NID1: variants seen among roughly 807,000 people sequenced by gnomAD.
NID1 encodes nidogen-1.
Under a neutral mutation model 130.6 loss-of-function variants are expected in NID1, and 76 were observed. The ratio of observed to expected loss-of-function variants is 0.58; its 90% CI spans 0.48 to 0.70. The LOEUF (loss-of-function observed/expected upper bound fraction) is 0.70, where lower values mean the gene tolerates loss of function less well. NID1 is among the 30% of genes least tolerant of loss of function. The pLI, the probability that NID1 is intolerant of heterozygous loss-of-function variation, is 0.00. For missense variants in NID1, 1,517 were observed against 1,664.8 expected (o/e 0.91, Z 1.54); for synonymous variants, 665 against 675.1 (o/e 0.98, Z 0.23).
chr1:235,995,326 T>G (rs138616879), intron 12 of NID1, among the ~76,000 whole-genome samples: 3 of 152,342 alleles, frequency 2.0e-5, no homozygotes, highest in Non-Finnish European at 4.4e-5. Flanking sequence ...ATGCAAATAC[T>G]ACACCATTTT....
chr1:236,056,588 T>G (rs1228853844), intron 1 of NID1, among the ~76,000 whole-genome samples: 1 of 152,250 alleles, frequency 6.6e-6, no homozygotes, highest in Non-Finnish European at 1.5e-5. Flanking sequence ...TTATTCCTTC[T>G]ATCGAACTGT....
chr1:235,995,680 A>C (rs1267021278), intron 12 of NID1, among the ~76,000 whole-genome samples: 1 of 152,214 alleles, frequency 6.6e-6, no homozygotes, highest in African/African-American at 2.4e-5. Flanking sequence ...TTAATCCTTC[A>C]GAAATCAGCT....
rs377525794 is a variant in NID1, at chr1:235,994,527, G to GGTA, written c.2528-658_2528-656dup. Reference sequence around the variant, plus strand: ...GAATGTTGTCAAGCTTTATCCAGGTGGTAGCATGTATTAGAACCTGCTTCA... The same window carrying GGTA: ...GAATGTTGTCAAGCTTTATCCAGGTGGTAGTAGCATGTATTAGAACCTGCTTCA... On this transcript the variant is annotated intron_variant, in intron 12 of 19. Transcript: ENST00000264187. 1.9e-3 allele frequency among the ~76,000 whole-genome samples: 287 copies of GGTA among 152,310 alleles called. 1 individual carries two copies. Among genetic ancestry groups the GGTA allele is most frequent in the African/African-American group, 6.4e-3 (265 of 41,570 alleles).
intron 12 of NID1, among the ~76,000 whole-genome samples, chr1:235,999,757 G>C (rs534600048): frequency 6.6e-6 from 1 of 152,218 alleles, no homozygotes; most frequent in East Asian, 1.9e-4. Context: ...ATGAAACAGA[G>C]TGTAAACCAA....
chr1:236,034,216 T>C (rs1388645406), intron 5 of NID1, among the ~76,000 whole-genome samples: 1 of 151,032 alleles, frequency 6.6e-6, no homozygotes, highest in African/African-American at 2.4e-5. Flanking sequence ...AGATCAGGAG[T>C]TCGAGACCAG....
At chr1:235,998,600 A>G (rs1255819377) in intron 12 of NID1, among the ~76,000 whole-genome samples, 1 of 152,012 alleles carries the variant, frequency 6.6e-6, no homozygotes. Context: ...ATTTGAACCC[A>G]GGAGGCAGAG....
intron 9 of NID1, among the ~76,000 whole-genome samples, chr1:236,018,463 C>T (rs1011101129): frequency 2.2e-4 from 34 of 152,232 alleles, no homozygotes; most frequent in African/African-American, 7.2e-4. Flanking sequence ...TCTGGGAACA[C>T]GCCCCTCAGA....
At position 236,025,959 on chromosome 1, in the gene NID1, G is replaced by A; in HGVS notation, c.1921C>T (p.Leu641=). ...QQLSVDSVFV[L]YNQEEKILRY... is the part of the protein sequence containing the mutation. Reference sequence around the variant, plus strand: ...AAGATCTTCTCCTCCTGGTTGTACAGGACGAACACGCTGTCCACCGAGAGC... The same window carrying A: ...AAGATCTTCTCCTCCTGGTTGTACAAGACGAACACGCTGTCCACCGAGAGC... The change falls in exon 8 of 20, where the codon CTG becomes TTG. Residue 641 remains leucine (L), a synonymous_variant. Transcript: ENST00000264187. 6.2e-7 allele frequency: 1 copy of A among 1,613,002 alleles called. No individual in the cohort carries two copies.
At chr1:236,023,773 T>C (rs1658838767) in intron 9 of NID1, among the ~76,000 whole-genome samples, 1 of 152,214 alleles carries the variant, frequency 6.6e-6, no homozygotes, top group South Asian at 2.1e-4. Flanking sequence ...ACTGGTGTTA[T>C]CATTAACAGC....
intron 4 of NID1, among the ~76,000 whole-genome samples, chr1:236,039,186 TATA>T (rs1372095003): frequency 1.4e-5 from 2 of 146,202 alleles, no homozygotes; most frequent in Non-Finnish European, 3.0e-5. Flanking sequence ...TTATATGTTA[TATA>T]ATAATATATA....
intron 14 of NID1, 70 bp downstream of exon 14, chr1:235,990,816 T>C: frequency 6.4e-7 from 1 of 1,565,294 alleles, no homozygotes; most frequent in Non-Finnish European, 8.8e-7. Context: ...TCTGGTCTGA[T>C]ATCGTCCTGC....
chr1:236,026,140 C>A lies in NID1; in HGVS notation c.1740G>T (p.Val580=). 6.2e-6 allele frequency: 10 copies of A among 1,613,584 alleles called. No homozygotes were observed. The highest frequency in any genetic ancestry group is 8.5e-6 in the Non-Finnish European group (10 of 1,179,860). ...ACTCCCGGGTGGAGGAGGAAGTGATCACTGCAGAGTGGGAAGGATGGAGGG... is the reference window on the plus strand; with the variant it reads ...ACTCCCGGGTGGAGGAGGAAGTGATAACTGCAGAGTGGGAAGGATGGAGGG... ...YTELYHYSTS[V]ITSSSTREYT... is the part of the protein sequence containing the mutation. The change falls in exon 8 of 20, where the codon GTG becomes GTT. Residue 580 remains valine, a splice_region_variant and synonymous_variant. Transcript: ENST00000264187.
intron 6 of NID1, 69 bp from the exon 7 acceptor site, chr1:236,029,819 C>T: frequency 6.7e-7 from 1 of 1,497,612 alleles, no homozygotes; most frequent in Non-Finnish European, 9.2e-7. Context: ...CCCAGGCTCA[C>T]AGTGTGGAGT....
chr1:235,994,212 G>C (rs552226738), intron 12 of NID1, among the ~76,000 whole-genome samples: 1 of 152,298 alleles, frequency 6.6e-6, no homozygotes, highest in Non-Finnish European at 1.5e-5. Context: ...GCCCAGGCTG[G>C]AGTGCAGTGG....
At chr1:236,031,570 C>T (rs1326299234) in intron 6 of NID1, among the ~76,000 whole-genome samples, 1 of 152,248 alleles carries the variant, frequency 6.6e-6, no homozygotes, top group Non-Finnish European at 1.5e-5. Flanking sequence ...TTGGCTAAGG[C>T]TCCAGGTTGG....
chr1:235,992,930 G>A (rs1480551845), intron 13 of NID1, among the ~76,000 whole-genome samples: 1 of 152,190 alleles, frequency 6.6e-6, no homozygotes, highest in Admixed American at 6.5e-5. Context: ...GAATTTTAGA[G>A]CTGGGAATCA....
In NID1 at chr1:235,988,534, A is replaced by T. The variant is rs544274268; in HGVS notation, c.2928+2352T>A. Among the ~76,000 whole-genome samples the T allele has an allele frequency of 2.3e-4, 35 of 152,348 alleles. No homozygotes were observed. In the East Asian group the frequency reaches 3.5e-3, roughly 15 times the overall value. ...CCAGCAATTCCACTTTGGTATATGT[A>T]TCGAAAAGAAGTTAAAGCAGGGACT... On this transcript the variant is annotated intron_variant, in intron 14 of 19. Coordinates refer to ENST00000264187, the MANE Select transcript of NID1 (RefSeq NM_002508.3).
chr1:236,017,328 TACTG>T, intron 9 of NID1, 55 bp from the exon 10 acceptor site: 1 of 1,581,500 alleles, frequency 6.3e-7, no homozygotes, highest in Non-Finnish European at 8.6e-7. Context: ...CTTCAAACAT[TACTG>T]ACTATAATAA....
At chr1:236,061,594 T>G (rs1297960471) in intron 1 of NID1, among the ~76,000 whole-genome samples, 2 of 152,064 alleles carry the variant, frequency 1.3e-5, no homozygotes, top group South Asian at 4.1e-4. Flanking sequence ...GCCTCCTGAG[T>G]AGCTGAGATT....
Sources: gnomAD v4.1 joint callset for allele counts (sites outside exome capture counted in the v4.1 genomes callset) on GRCh38, gnomAD v4.1.1 for gene constraint, MANE v1.5 for transcripts, NCBI Gene and HGNC (gene_info 2026-07-23, HGNC 2026-07-21) for gene names.